Variants in PID1 observed in about 807,000 individuals in gnomAD.
PID1 encodes phosphotyrosine interaction domain containing 1.
Under a neutral mutation model 19.1 loss-of-function variants are expected in PID1, and 10 were observed. The ratio of observed to expected loss-of-function variants is 0.52; its 90% confidence interval spans 0.32 to 0.89. PID1 has a LOEUF of 0.89. Among genes scored for constraint, PID1 ranks in the 40% least tolerant of loss-of-function variants. PID1 has a pLI of 0.03. For synonymous variants in PID1, 130 were observed against 116.0 expected, an observed-to-expected ratio of 1.12 and a Z score of -0.78; for missense variants, 248 against 285.3, an observed-to-expected ratio of 0.87 and a Z score of 0.94.
intron 1 of PID1, among the ~76,000 whole-genome samples, chr2:229,171,839 T>C (rs114131805): frequency 0.021 from 3,219 of 152,286 alleles, 57 homozygotes; most frequent in South Asian, 0.027. Flanking sequence ...TATATACCAC[T>C]ACTGGTTACC....
At chr2:229,074,537 T>A (rs186720834) in intron 2 of PID1, among the ~76,000 whole-genome samples, 61 of 152,278 alleles carry the variant, frequency 4.0e-4, no homozygotes, top group Admixed American at 3.3e-3. Flanking sequence ...AAGGAAATAA[T>A]GACTTTAGGA....
Position 229,155,810 on chromosome 2 carries a change from C to T in PID1, c.177+8G>A, listed in dbSNP as rs3815462. 1,550 of 1,608,968 alleles carry T rather than the reference C, an allele frequency of 9.6e-4. 30 individuals carry two copies. In the East Asian group the frequency reaches 0.032, roughly 33 times the overall value. The stretch of plus-strand genomic sequence containing the variant: ...CAAGAGAACCCCTGCTGGCCACGTG[C>T]CCCATACCTTGCAGCCACTGTGAGT... On this transcript the variant is annotated splice_region_variant and intron_variant, in intron 2 of 2. Transcript: ENST00000392055.
chr2:229,247,278 T>C (rs900060569), intron 1 of PID1, among the ~76,000 whole-genome samples: 2 of 152,326 alleles, frequency 1.3e-5, no homozygotes, highest in East Asian at 1.9e-4. Context: ...CCAAGGCTAG[T>C]ATGAAAGCTC....
intron 1 of PID1, among the ~76,000 whole-genome samples, chr2:229,229,154 T>C (rs966919264): frequency 7.9e-5 from 12 of 152,244 alleles, no homozygotes; most frequent in African/African-American, 2.9e-4. Flanking sequence ...TGAGTAACAA[T>C]TTGTGAGTAA....
chr2:229,107,578 C>T (rs1197846467), intron 2 of PID1, among the ~76,000 whole-genome samples: 3 of 151,568 alleles, frequency 2.0e-5, no homozygotes, highest in East Asian at 3.9e-4. Flanking sequence ...CATAAACTTG[C>T]CTAGACTACA....
intron 2 of PID1, among the ~76,000 whole-genome samples, chr2:229,053,705 T>C (rs995478258): frequency 6.6e-6 from 1 of 152,228 alleles, no homozygotes; most frequent in Non-Finnish European, 1.5e-5. Flanking sequence ...GGACACAATA[T>C]AAAATGTAAT....
intron 1 of PID1, among the ~76,000 whole-genome samples, chr2:229,162,041 G>A (rs187874462): frequency 4.6e-5 from 7 of 152,308 alleles, no homozygotes; most frequent in East Asian, 1.9e-4. Flanking sequence ...GCTACTGCTC[G>A]CAAACCAAAG....
chr2:229,156,748 T>C (rs1331695435), intron 1 of PID1, among the ~76,000 whole-genome samples: 2 of 152,118 alleles, frequency 1.3e-5, no homozygotes, highest in Admixed American at 1.3e-4. Flanking sequence ...AACCCTCCCA[T>C]GTCTTCCCAT....
chr2:229,056,439 G>A (rs6722466), intron 2 of PID1, among the ~76,000 whole-genome samples: 17,750 of 151,988 alleles, frequency 0.12, 1,546 homozygotes, highest in African/African-American at 0.25. Flanking sequence ...CCTCTTGCAA[G>A]GAGGAGTAAT....
chr2:229,039,814 T>C (rs1161528907), intron 2 of PID1, among the ~76,000 whole-genome samples: 3 of 152,196 alleles, frequency 2.0e-5, no homozygotes, highest in Non-Finnish European at 4.4e-5. Flanking sequence ...TGCAACTTAG[T>C]ACAACCCTTT....
intron 2 of PID1, among the ~76,000 whole-genome samples, chr2:229,074,764 A>G (rs779554262): frequency 6.6e-6 from 1 of 152,242 alleles, no homozygotes; most frequent in African/African-American, 2.4e-5. Flanking sequence ...ATAAATTATG[A>G]CAGATACCTT....
At chr2:229,218,094 C>A (rs1574731517) in intron 1 of PID1, among the ~76,000 whole-genome samples, 1 of 152,062 alleles carries the variant, frequency 6.6e-6, no homozygotes, top group South Asian at 2.1e-4. Context: ...CTTTCATTAA[C>A]CGGTTATTAT....
intron 1 of PID1, among the ~76,000 whole-genome samples, chr2:229,166,789 T>C (rs1031421432): frequency 6.6e-6 from 1 of 152,074 alleles, no homozygotes; most frequent in African/African-American, 2.4e-5. Flanking sequence ...GAGCTAGAAA[T>C]GAAGATAGTG....
intron 1 of PID1, among the ~76,000 whole-genome samples, chr2:229,256,682 C>T (rs1368796363): frequency 1.3e-5 from 2 of 152,150 alleles, no homozygotes; most frequent in African/African-American, 4.8e-5. Context: ...AACAGCAAAC[C>T]TCTATTATTC....
At chr2:229,201,004 C>G (rs566014584) in intron 1 of PID1, among the ~76,000 whole-genome samples, 1 of 151,960 alleles carries the variant, frequency 6.6e-6, no homozygotes, top group Non-Finnish European at 1.5e-5. Flanking sequence ...TACCATGAAG[C>G]CTCTCACTAT....
chr2:229,031,126 G>T (rs1417968415), intron 2 of PID1, among the ~76,000 whole-genome samples: 1 of 141,092 alleles, frequency 7.1e-6, no homozygotes, highest in Non-Finnish European at 1.5e-5. Context: ...TGAGGCAGAA[G>T]AATCGCTTGA....
At chr2:229,133,262 G>A (rs763548229) in intron 2 of PID1, among the ~76,000 whole-genome samples, 1 of 152,240 alleles carries the variant, frequency 6.6e-6, no homozygotes, top group Non-Finnish European at 1.5e-5. Context: ...TTAAGGAGAT[G>A]TGCAAGATCA....
intron 2 of PID1, among the ~76,000 whole-genome samples, chr2:229,054,029 A>G (rs1180324360): frequency 6.6e-6 from 1 of 152,252 alleles, no homozygotes; most frequent in Non-Finnish European, 1.5e-5. Context: ...CTGGATCATT[A>G]CAGAGTGGGA....
intron 2 of PID1, among the ~76,000 whole-genome samples, chr2:229,155,318 G>GCACTTTGGGAGGGATTA (rs1212738198): frequency 6.6e-6 from 1 of 152,064 alleles, no homozygotes; most frequent in Non-Finnish European, 1.5e-5. Flanking sequence ...TGTAATCCCA[G>GCACTTTGGGAGGGATTA]CACTTTGGGA....
Sources: gnomAD v4.1 joint callset for allele counts (sites outside exome capture counted in the v4.1 genomes callset) on GRCh38, gnomAD v4.1.1 for gene constraint, MANE v1.5 for transcripts, NCBI Gene and HGNC (gene_info 2026-07-23, HGNC 2026-07-21) for gene names.